Variants in ZNF618 observed in about 807,000 individuals in gnomAD.
ZNF618 encodes the protein neural precursor cell expressed, developmentally down-regulated 10.
In ZNF618, 34 loss-of-function variants were observed where a neutral mutation model predicts 103.0. That is an observed-to-expected ratio of 0.33 (90% CI 0.25 to 0.44). ZNF618 has a LOEUF of 0.44. ZNF618 is among the 20% of genes least tolerant of loss of function. The pLI is 1.00. For missense variants in ZNF618, 1,059 were observed against 1,295.4 expected (o/e 0.82, Z 2.80); for synonymous variants, 551 against 542.2 (o/e 1.02, Z -0.23).
chr9:113,892,511 A>AG (rs1209952331), intron 1 of ZNF618, among the ~76,000 whole-genome samples: 2 of 152,200 alleles, frequency 1.3e-5, no homozygotes, highest in Non-Finnish European at 2.9e-5. Context: ...AAAATGGTTC[A>AG]GATGGTCAAA....
intron 1 of ZNF618, among the ~76,000 whole-genome samples, chr9:113,896,097 A>G (rs1022551983): frequency 6.6e-5 from 10 of 151,904 alleles, no homozygotes; most frequent in African/African-American, 1.7e-4. Flanking sequence ...ACTGGTATTC[A>G]GGGAGTATTT....
chr9:113,980,929 G>A (rs1430068811), intron 2 of ZNF618, among the ~76,000 whole-genome samples: 1 of 152,204 alleles, frequency 6.6e-6, no homozygotes, highest in African/African-American at 2.4e-5. Context: ...CAGCCCATTG[G>A]ACTTAACAGT....
At chr9:113,935,971 T>C (rs1833997403) in intron 1 of ZNF618, among the ~76,000 whole-genome samples, 2 of 152,058 alleles carry the variant, frequency 1.3e-5, no homozygotes, top group South Asian at 4.1e-4. Context: ...TTTTTCTCTA[T>C]TGAGATAGGG....
At position 114,048,916 on chromosome 9, in the gene ZNF618, C is replaced by G. The variant is rs778199359; in HGVS notation, c.1614C>G (p.Thr538=). The G allele has an allele frequency of 2.5e-6, 4 of 1,608,736 alleles. No individual in the cohort carries two copies. Among genetic ancestry groups the G allele is most frequent in the Non-Finnish European group, 2.5e-6 (3 of 1,177,644 alleles). The change falls in exon 15 of 15, where the codon ACC becomes ACG. Residue 538 remains threonine (T), a synonymous_variant. Coordinates refer to ENST00000374126, the MANE Select transcript of ZNF618 (RefSeq NM_001318042.2). ...RMYNQVKVKV[T]CALGSNACLG... ...ACAACCAGGTGAAGGTGAAAGTGAC[C>G]TGTGCCTTGGGCAGCAATGCCTGCC...
chr9:114,046,507 C>T (rs1365153239), intron 13 of ZNF618, among the ~76,000 whole-genome samples: 1 of 152,136 alleles, frequency 6.6e-6, no homozygotes, highest in Non-Finnish European at 1.5e-5. Context: ...GATGTTTGCA[C>T]AATGACAAAA....
At position 114,029,959 on chromosome 9, in the gene ZNF618, GCC is replaced by G. The variant is rs1222868070; in HGVS notation, c.1084+988_1084+989del. On this transcript the variant is annotated intron_variant, in intron 11 of 14. Coordinates refer to ENST00000374126, the MANE Select transcript of ZNF618 (RefSeq NM_001318042.2). ...CACGTTTGGATGGAACCAGCCCTGG[GCC>G]ACCTGCCGGGACTTGTGGGTTGTAG... 4.6e-5 allele frequency among the ~76,000 whole-genome samples: 7 copies of G among 152,354 alleles called. No individual in the cohort carries two copies. The East Asian group carries it at 1.2e-3, about 25-fold the overall frequency.
In ZNF618 at chr9:113,969,169, C is replaced by G; in HGVS notation, c.77+9C>G. On this transcript the variant is annotated intron_variant, in intron 2 of 14. Transcript: ENST00000374126. ...AAAAGCACTGCGAGCAGGTACACTC[C>G]CTCTCCCGCCCCCAGCTTGTCCACC... 6.2e-7 allele frequency: 1 copy of G among 1,613,968 alleles called. No individual in the cohort carries two copies. Among genetic ancestry groups the G allele is most frequent in the Non-Finnish European group, 8.5e-7 (1 of 1,179,888 alleles).
chr9:114,037,195 A>G (rs1259215701), intron 13 of ZNF618, among the ~76,000 whole-genome samples: 1 of 152,136 alleles, frequency 6.6e-6, no homozygotes, highest in African/African-American at 2.4e-5. Context: ...TCTCACCCAC[A>G]TTATAGCCCA....
At chr9:113,901,912 G>T (rs547641966) in intron 1 of ZNF618, among the ~76,000 whole-genome samples, 1 of 152,096 alleles carries the variant, frequency 6.6e-6, no homozygotes, top group East Asian at 1.9e-4. Flanking sequence ...GTGTCGCAGT[G>T]GGGGGGACAT....
intron 10 of ZNF618, among the ~76,000 whole-genome samples, chr9:114,020,216 T>G (rs979080714): frequency 6.6e-6 from 1 of 152,210 alleles, no homozygotes; most frequent in African/African-American, 2.4e-5. Flanking sequence ...ATGATTTTAC[T>G]TATAGCTCTC....
At chr9:114,036,019 A>G (rs991883266) in intron 12 of ZNF618, among the ~76,000 whole-genome samples, 2 of 152,180 alleles carry the variant, frequency 1.3e-5, no homozygotes, top group African/African-American at 4.8e-5. Flanking sequence ...CCCCATCTCA[A>G]GTGCGCCGAA....
chr9:113,940,961 T>A (rs900430571), intron 1 of ZNF618, among the ~76,000 whole-genome samples: 14 of 152,204 alleles, frequency 9.2e-5, no homozygotes, highest in Non-Finnish European at 1.9e-4. Context: ...GTAATTTTGG[T>A]TTTGGTTTTC....
intron 1 of ZNF618, among the ~76,000 whole-genome samples, chr9:113,945,783 G>T (rs1034847774): frequency 2.0e-5 from 3 of 152,052 alleles, no homozygotes; most frequent in Non-Finnish European, 4.4e-5. Context: ...GGGCTGGGGG[G>T]AGAAAAAAAG....
chr9:113,904,695 C>T (rs963391091), intron 1 of ZNF618, among the ~76,000 whole-genome samples: 4 of 152,120 alleles, frequency 2.6e-5, no homozygotes, highest in Non-Finnish European at 4.4e-5. Context: ...AGGTGTCAGC[C>T]GAGGTTCTAG....
chr9:113,959,384 T>A (rs1019917989), intron 1 of ZNF618, among the ~76,000 whole-genome samples: 1 of 152,220 alleles, frequency 6.6e-6, no homozygotes, highest in African/African-American at 2.4e-5. Context: ...GAACACTTTC[T>A]GATCCTGCCC....
chr9:113,998,249 C>G lies in ZNF618; in HGVS notation c.338-10C>G, dbSNP rs533877227. The G allele has an allele frequency of 2.6e-6, 4 of 1,549,696 alleles. No homozygotes were observed. The highest frequency in any genetic ancestry group is 2.6e-6 in the Non-Finnish European group (3 of 1,146,312). Reference sequence around the variant, plus strand: ...TTTAAGGGCTCTTTCTGATTTCTTACGTAATTCAGATGGAAAAGCGCCCGA... The same window carrying G: ...TTTAAGGGCTCTTTCTGATTTCTTAGGTAATTCAGATGGAAAAGCGCCCGA... On this transcript the variant is annotated splice_polypyrimidine_tract_variant and intron_variant, in intron 3 of 14. Transcript: ENST00000374126.
intron 2 of ZNF618, among the ~76,000 whole-genome samples, chr9:113,969,656 G>A (rs1034151310): frequency 1.3e-5 from 2 of 152,218 alleles, no homozygotes; most frequent in South Asian, 4.1e-4. Context: ...AGAGGGGAGA[G>A]GGGTGGTCCC....
intron 6 of ZNF618, 37 bp downstream of exon 6, chr9:114,002,699 C>T (rs750421187): frequency 2.4e-5 from 39 of 1,606,460 alleles, no homozygotes; most frequent in East Asian, 2.2e-4. Context: ...TGCTGAGGGG[C>T]GAGGGCTTGG....
At chr9:113,924,791 T>A (rs1208240269) in intron 1 of ZNF618, among the ~76,000 whole-genome samples, 3 of 151,986 alleles carry the variant, frequency 2.0e-5, no homozygotes, top group African/African-American at 7.2e-5. Flanking sequence ...TGTGTGTTAT[T>A]TAGAAGTGTG....
Sources: gnomAD v4.1 joint callset for allele counts (sites outside exome capture counted in the v4.1 genomes callset) on GRCh38, gnomAD v4.1.1 for gene constraint, MANE v1.5 for transcripts, NCBI Gene and HGNC (gene_info 2026-07-23, HGNC 2026-07-21) for gene names.